KCNIP1: variants seen among roughly 807,000 people sequenced by gnomAD.
KCNIP1 encodes the protein potassium voltage-gated channel interacting protein 1, also known as A-type potassium channel modulatory protein KCNIP1.
Under a neutral mutation model 33.0 loss-of-function variants are expected in KCNIP1, and 18 were observed. The observed-to-expected ratio is 0.55, with a 90% CI of 0.38 to 0.81. KCNIP1 has a LOEUF of 0.81. KCNIP1 is among the 30% of genes least tolerant of loss of function. KCNIP1 has a pLI of 0.00. For synonymous variants in KCNIP1, 93 were observed against 98.3 expected (o/e 0.95, Z 0.32); for missense variants, 238 against 271.6 (o/e 0.88, Z 0.87).
chr5:170,725,962 C>T (rs1763991734), intron 5 of KCNIP1, among the ~76,000 whole-genome samples: 1 of 152,046 alleles, frequency 6.6e-6, no homozygotes, highest in Admixed American at 6.6e-5. Context: ...TAACCTCATG[C>T]CAAACATAAA....
chr5:170,371,247 T>C (rs529643216), intron 1 of KCNIP1, among the ~76,000 whole-genome samples: 1 of 152,270 alleles, frequency 6.6e-6, no homozygotes, highest in Admixed American at 6.5e-5. Context: ...GGCCTCGTGG[T>C]CCTGTCTGTC....
intron 1 of KCNIP1, chr5:170,383,167 A>G (rs909725093): frequency 1.1e-5 from 2 of 189,320 alleles, no homozygotes; most frequent in African/African-American, 4.7e-5. Flanking sequence ...GGATGGAAAA[A>G]CCATCTAAAT....
At chr5:170,660,676 T>C (rs1761449712) in intron 1 of KCNIP1, among the ~76,000 whole-genome samples, 2 of 152,172 alleles carry the variant, frequency 1.3e-5, no homozygotes, top group African/African-American at 4.8e-5. Flanking sequence ...CTTCTTCTTG[T>C]CAAATGGCCC....
At chr5:170,482,964 T>C in intron 1 of KCNIP1, 1 of 409,492 alleles carries the variant, frequency 2.4e-6, no homozygotes, top group South Asian at 1.8e-5. Flanking sequence ...AGGTCATGAC[T>C]AGATTCCATG....
intron 1 of KCNIP1, among the ~76,000 whole-genome samples, chr5:170,469,832 A>G (rs1208051814): frequency 6.6e-6 from 1 of 152,140 alleles, no homozygotes; most frequent in Non-Finnish European, 1.5e-5. Flanking sequence ...TTTTCTGATG[A>G]CCTGACTTGA....
intron 1 of KCNIP1, among the ~76,000 whole-genome samples, chr5:170,495,236 C>G (rs971389348): frequency 2.0e-5 from 3 of 152,282 alleles, no homozygotes; most frequent in Admixed American, 1.3e-4. Flanking sequence ...AAAGGCACCC[C>G]AAGAGGTTCT....
intron 1 of KCNIP1, among the ~76,000 whole-genome samples, chr5:170,708,719 G>A (rs1342078796): frequency 2.0e-5 from 3 of 152,062 alleles, no homozygotes; most frequent in Non-Finnish European, 2.9e-5. Flanking sequence ...AATATAGTGA[G>A]ACCTCATCTC....
At chr5:170,682,765 C>T (rs1449040660) in intron 1 of KCNIP1, among the ~76,000 whole-genome samples, 4 of 121,958 alleles carry the variant, frequency 3.3e-5, no homozygotes, top group Admixed American at 2.7e-4. Flanking sequence ...AATGCAACAG[C>T]GTCCTATTTT....
At chr5:170,709,867 T>C (rs1342416699) in intron 1 of KCNIP1, among the ~76,000 whole-genome samples, 1 of 152,104 alleles carries the variant, frequency 6.6e-6, no homozygotes, top group Non-Finnish European at 1.5e-5. Context: ...GTGATTCCAT[T>C]CTTTTTTTTT....
intron 1 of KCNIP1, among the ~76,000 whole-genome samples, chr5:170,679,756 A>G (rs1314259877): frequency 6.6e-6 from 1 of 151,036 alleles, no homozygotes; most frequent in African/African-American, 2.4e-5. Context: ...TATTTTTAGT[A>G]TCTTTCCAGG....
chr5:170,664,653 T>C (rs1371518451), intron 1 of KCNIP1, among the ~76,000 whole-genome samples: 1 of 152,156 alleles, frequency 6.6e-6, no homozygotes, highest in Non-Finnish European at 1.5e-5. Flanking sequence ...AGATCTACTA[T>C]TGGCTAGATT....
chr5:170,361,107 A>T (rs1763501225), intron 1 of KCNIP1, among the ~76,000 whole-genome samples: 1 of 152,234 alleles, frequency 6.6e-6, no homozygotes, highest in Non-Finnish European at 1.5e-5. Context: ...CCCTGGGTGC[A>T]GGCCCACACT....
At chr5:170,362,924 C>A (rs1407117063) in intron 1 of KCNIP1, among the ~76,000 whole-genome samples, 1 of 152,176 alleles carries the variant, frequency 6.6e-6, no homozygotes, top group Non-Finnish European at 1.5e-5. Context: ...TGTCTCTAAG[C>A]CATGAAGCAT....
chr5:170,696,389 G>A (rs1035325871), intron 1 of KCNIP1, among the ~76,000 whole-genome samples: 1 of 152,074 alleles, frequency 6.6e-6, no homozygotes, highest in Admixed American at 6.5e-5. Context: ...GTGGCTGAAT[G>A]GCCATACTCT....
chr5:170,710,968 C>T (rs953738750), intron 1 of KCNIP1, among the ~76,000 whole-genome samples: 1 of 152,198 alleles, frequency 6.6e-6, no homozygotes, highest in Non-Finnish European at 1.5e-5. Context: ...AATTCTAGAC[C>T]AGCAACCAAC....
intron 1 of KCNIP1, among the ~76,000 whole-genome samples, chr5:170,707,690 G>A (rs913935031): frequency 2.0e-5 from 3 of 152,110 alleles, no homozygotes; most frequent in Non-Finnish European, 2.9e-5. Context: ...CCCATTTGGA[G>A]AGAAAGATCT....
intron 1 of KCNIP1, among the ~76,000 whole-genome samples, chr5:170,578,543 A>G (rs1757681051): frequency 6.6e-6 from 1 of 152,206 alleles, no homozygotes; most frequent in South Asian, 2.1e-4. Context: ...AGAGGGGATC[A>G]TCAGGGATGA....
chr5:170,469,723 C>T (rs1756681518), intron 1 of KCNIP1, among the ~76,000 whole-genome samples: 1 of 152,222 alleles, frequency 6.6e-6, no homozygotes, highest in Non-Finnish European at 1.5e-5. Context: ...TGCTGCATTG[C>T]AAAGCCACCT....
At chr5:170,445,751 T>C (rs1740749191) in intron 1 of KCNIP1, among the ~76,000 whole-genome samples, 2 of 152,134 alleles carry the variant, frequency 1.3e-5, no homozygotes, top group African/African-American at 4.8e-5. Flanking sequence ...CCGCTCCCTT[T>C]CCATCTGTAG....
Sources: allele counts gnomAD v4.1 joint callset (sites outside exome capture counted in the v4.1 genomes callset), GRCh38; gene constraint gnomAD v4.1.1; transcripts MANE v1.5; gene names NCBI Gene and HGNC (gene_info 2026-07-23, HGNC 2026-07-21).